The following SUGCT variants were observed in gnomAD, a reference collection of about 807,000 sequenced individuals.
The protein encoded by SUGCT is succinyl-CoA:glutarate CoA-transferase.
A neutral mutation model predicts 55.0 loss-of-function variants in SUGCT; 41 were observed. The observed-to-expected ratio is 0.74, with a 90% CI of 0.58 to 0.97. The LOEUF is 0.97. Among genes scored for constraint, SUGCT ranks in the 50% least tolerant of loss-of-function variants. The pLI is 0.00. For synonymous variants in SUGCT, 187 were observed against 200.4 expected (o/e 0.93, Z 0.56); for missense variants, 568 against 547.8 (o/e 1.04, Z -0.37).
intron 12 of SUGCT, among the ~76,000 whole-genome samples, chr7:40,714,388 C>T (rs926748471): frequency 2.2e-4 from 33 of 152,198 alleles, no homozygotes; most frequent in African/African-American, 7.5e-4. Flanking sequence ...CATAACTACT[C>T]ATCCCCCACC....
At chr7:40,678,457 G>A (rs1784101910) in intron 12 of SUGCT, among the ~76,000 whole-genome samples, 1 of 151,936 alleles carries the variant, frequency 6.6e-6, no homozygotes, top group Non-Finnish European at 1.5e-5. Context: ...TTTTTCACCA[G>A]AAAAATCCCT....
At chr7:40,350,277 CTTATTTATTTATTTAT>C (rs202108546) in intron 9 of SUGCT, among the ~76,000 whole-genome samples, 4,275 of 137,094 alleles carry the variant, frequency 0.031, 87 homozygotes, top group Non-Finnish European at 0.041. Context: ...ATTACTATAT[CTTATTTATTTATTTAT>C]TTATTTATTT....
chr7:40,269,801 A>G (rs995142564), intron 7 of SUGCT, among the ~76,000 whole-genome samples: 2 of 152,122 alleles, frequency 1.3e-5, no homozygotes, highest in African/African-American at 2.4e-5. Context: ...CCATATTTAA[A>G]TTAGGTCATT....
At chr7:40,361,021 A>G (rs542860776) in intron 9 of SUGCT, among the ~76,000 whole-genome samples, 1 of 152,140 alleles carries the variant, frequency 6.6e-6, no homozygotes, top group African/African-American at 2.4e-5. Context: ...AATAATTATT[A>G]GTGTGAATGT....
chr7:40,624,541 G>A (rs1434537294), intron 12 of SUGCT, among the ~76,000 whole-genome samples: 1 of 152,142 alleles, frequency 6.6e-6, no homozygotes, highest in African/African-American at 2.4e-5. Context: ...CACAGGATAA[G>A]TGAAGGCAAT....
intron 9 of SUGCT, among the ~76,000 whole-genome samples, chr7:40,328,565 A>G (rs931343036): frequency 6.6e-6 from 1 of 152,180 alleles, no homozygotes; most frequent in African/African-American, 2.4e-5. Flanking sequence ...ACAGTTTTCT[A>G]AGTATTCACA....
Position 40,465,194 on chromosome 7 carries a change from T to A in SUGCT, c.986+5996T>A, listed in dbSNP as rs184343828. On this transcript the variant is annotated intron_variant, in intron 11 of 13. Coordinates refer to ENST00000335693, the MANE Select transcript of SUGCT (RefSeq NM_001193313.2). ...ATTTCTTAAATTAAGTTTTTGATTTTTAATTGTCTATTTACTTATTTTCAG... is the reference window on the plus strand; with the variant it reads ...ATTTCTTAAATTAAGTTTTTGATTTATAATTGTCTATTTACTTATTTTCAG... 2.1e-3 allele frequency among the ~76,000 whole-genome samples: 320 copies of A among 152,352 alleles called. 2 individuals are homozygous for A. The highest frequency in any genetic ancestry group is 7.4e-3 in the African/African-American group (309 of 41,580).
chr7:40,649,593 T>C (rs1249528230), intron 12 of SUGCT, among the ~76,000 whole-genome samples: 2 of 152,244 alleles, frequency 1.3e-5, no homozygotes, highest in Admixed American at 6.5e-5. Flanking sequence ...TTTTGGACAT[T>C]TTATTTTGTT....
intron 1 of SUGCT, among the ~76,000 whole-genome samples, chr7:40,151,962 GCTTT>G (rs1788599913): frequency 6.6e-6 from 1 of 152,108 alleles, no homozygotes; most frequent in Non-Finnish European, 1.5e-5. Context: ...GGTTTTTCTA[GCTTT>G]CTTTTGTTTC....
intron 7 of SUGCT, among the ~76,000 whole-genome samples, chr7:40,257,443 C>T (rs1790884776): frequency 6.6e-6 from 1 of 151,540 alleles, no homozygotes; most frequent in Non-Finnish European, 1.5e-5. Context: ...CCAGAAATCC[C>T]AGAGAAACAT....
At chr7:40,701,626 C>T (rs1785174903) in intron 12 of SUGCT, among the ~76,000 whole-genome samples, 2 of 152,218 alleles carry the variant, frequency 1.3e-5, no homozygotes, top group South Asian at 2.1e-4. Flanking sequence ...CACAGCCATT[C>T]GGGCACTGAT....
At chr7:40,983,522 T>C in the SUGCT span, among the ~76,000 whole-genome samples, 11 of 152,232 alleles carry the variant, frequency 7.2e-5, no homozygotes, top group Non-Finnish European at 1.3e-4. Context: ...CTTTTGTAAC[T>C]GGTGCTCACT....
At chr7:40,626,234 ACTTT>A (rs2151800301) in intron 12 of SUGCT, among the ~76,000 whole-genome samples, 1 of 151,128 alleles carries the variant, frequency 6.6e-6, no homozygotes, top group Admixed American at 6.6e-5. Flanking sequence ...CTTTAAAGAG[ACTTT>A]CTTTCTTTTT....
the SUGCT span, among the ~76,000 whole-genome samples, chr7:40,894,930 T>C: frequency 1.3e-5 from 2 of 152,188 alleles, no homozygotes; most frequent in African/African-American, 2.4e-5. Flanking sequence ...AAAATAGAAC[T>C]ACTATTTGAA....
chr7:40,677,940 G>A (rs1231027500), intron 12 of SUGCT, among the ~76,000 whole-genome samples: 1 of 152,194 alleles, frequency 6.6e-6, no homozygotes, highest in African/African-American at 2.4e-5. Context: ...GGTTGCAGGT[G>A]CTGCTTCCAA....
chr7:40,753,758 T>C (rs1244282258), intron 13 of SUGCT, among the ~76,000 whole-genome samples: 1 of 152,186 alleles, frequency 6.6e-6, no homozygotes, highest in Non-Finnish European at 1.5e-5. Context: ...TATTGATTAA[T>C]ACATTAAAGA....
chr7:40,445,526 G>T (rs1788777858), intron 9 of SUGCT, among the ~76,000 whole-genome samples: 1 of 152,054 alleles, frequency 6.6e-6, no homozygotes, highest in Non-Finnish European at 1.5e-5. Context: ...AACCAAAAAA[G>T]TCTAGGATCA....
intron 1 of SUGCT, among the ~76,000 whole-genome samples, chr7:40,139,118 T>C (rs1787843502): frequency 7.1e-6 from 1 of 140,494 alleles, no homozygotes. Context: ...ACAGCAAAAC[T>C]CTGGCTCAAA....
rs563245294 is a variant in SUGCT, at chr7:40,569,147, A to G, written c.1089+72761A>G. Reference sequence around the variant, plus strand: ...ATATGCTGCCAAGGACTTGTAAGTCAATTGCTTGAAATATGAATTAAGGGG... The same window carrying G: ...ATATGCTGCCAAGGACTTGTAAGTCGATTGCTTGAAATATGAATTAAGGGG... On this transcript the variant is annotated intron_variant, in intron 12 of 13. Transcript: ENST00000335693. Among the ~76,000 whole-genome samples, 12 of 152,318 alleles carry G rather than the reference A, an allele frequency of 7.9e-5. No individual in the cohort carries two copies. In the East Asian group the frequency reaches 1.7e-3, roughly 22 times the overall value.
Sources: allele counts gnomAD v4.1 joint callset (sites outside exome capture counted in the v4.1 genomes callset), GRCh38; gene constraint gnomAD v4.1.1; transcripts MANE v1.5; gene names NCBI Gene and HGNC (gene_info 2026-07-23, HGNC 2026-07-21).